The following HS3ST5 variants were observed in gnomAD, a reference collection of about 807,000 sequenced individuals.
The protein encoded by HS3ST5 is heparan sulfate glucosamine 3-O-sulfotransferase 5.
A neutral mutation model predicts 25.4 loss-of-function variants in HS3ST5; 10 were observed. The ratio of observed to expected loss-of-function variants is 0.39; its 90% CI spans 0.24 to 0.67. HS3ST5 has a LOEUF of 0.67. Ranked by LOEUF, HS3ST5 falls within the 30% of genes least tolerant of loss-of-function variation. The probability of loss-of-function intolerance (pLI) is 0.44; values close to 1 mark genes in which losing one functional copy is unlikely to be tolerated. For missense variants in HS3ST5, 324 were observed against 420.7 expected, an observed-to-expected ratio of 0.77 and a Z score of 2.01; for synonymous variants, 170 against 162.4, an observed-to-expected ratio of 1.05 and a Z score of -0.36.
At position 114,080,199 on chromosome 6, in the gene HS3ST5, C is replaced by T. The variant is rs147015369; in HGVS notation, c.-32-17322G>A. Among the ~76,000 whole-genome samples the T allele has an allele frequency of 2.4e-3, 363 of 152,296 alleles. 2 individuals are homozygous for T. The highest frequency in any genetic ancestry group is 8.6e-3 in the African/African-American group (358 of 41,554). ...CATTAATCTCCTTGTACATCTCCAT[C>T]AGGACTCTTGGGTGATTAGGTCACC... On this transcript the variant is annotated intron_variant, in intron 3 of 4. Coordinates refer to ENST00000312719, the MANE Select transcript of HS3ST5 (RefSeq NM_153612.4).
intron 1 of HS3ST5, among the ~76,000 whole-genome samples, chr6:114,263,998 C>G (rs1338214474): frequency 6.6e-6 from 1 of 152,056 alleles, no homozygotes; most frequent in East Asian, 1.9e-4. Flanking sequence ...CCCCAAAAGA[C>G]TCACTATCAG....
chr6:114,333,538 C>G (rs1040587267), intron 1 of HS3ST5, among the ~76,000 whole-genome samples: 4 of 152,002 alleles, frequency 2.6e-5, no homozygotes, highest in Non-Finnish European at 4.4e-5. Context: ...AACTCACTGG[C>G]AATCCATTTC....
intron 3 of HS3ST5, among the ~76,000 whole-genome samples, chr6:114,137,537 A>G (rs1777686828): frequency 6.6e-6 from 1 of 152,200 alleles, no homozygotes; most frequent in Non-Finnish European, 1.5e-5. Context: ...AGAATGAAAC[A>G]CAAAACAGTG....
intron 3 of HS3ST5, among the ~76,000 whole-genome samples, chr6:114,106,495 A>G (rs1775999392): frequency 1.3e-5 from 2 of 152,090 alleles, no homozygotes; most frequent in South Asian, 4.1e-4. Flanking sequence ...CAGAGTAAAA[A>G]CTACATATAA....
intron 3 of HS3ST5, among the ~76,000 whole-genome samples, chr6:114,102,471 C>T (rs1351153793): frequency 1.3e-5 from 2 of 152,092 alleles, no homozygotes; most frequent in African/African-American, 2.4e-5. Context: ...TGAACATTAC[C>T]ATGATGGGTC....
At chr6:114,161,931 G>A (rs550073160) in intron 3 of HS3ST5, among the ~76,000 whole-genome samples, 140 of 151,804 alleles carry the variant, frequency 9.2e-4, no homozygotes, top group Non-Finnish European at 1.8e-3. Flanking sequence ...ATCAAATCTA[G>A]ACTTAATCAA....
intron 3 of HS3ST5, among the ~76,000 whole-genome samples, chr6:114,108,793 T>A (rs1425020546): frequency 1.3e-5 from 2 of 152,196 alleles, no homozygotes; most frequent in Admixed American, 1.3e-4. Flanking sequence ...TATATACATA[T>A]GTCAAAACTT....
At chr6:114,281,617 T>C (rs1485448948) in intron 1 of HS3ST5, among the ~76,000 whole-genome samples, 1 of 151,936 alleles carries the variant, frequency 6.6e-6, no homozygotes, top group Non-Finnish European at 1.5e-5. Flanking sequence ...AGGTAAGCTT[T>C]TAAACTCTGC....
At chr6:114,289,744 A>C (rs987731055) in intron 1 of HS3ST5, among the ~76,000 whole-genome samples, 4 of 152,178 alleles carry the variant, frequency 2.6e-5, no homozygotes, top group African/African-American at 9.7e-5. Context: ...CTACAAGTAC[A>C]AAGCTCATAC....
intron 1 of HS3ST5, among the ~76,000 whole-genome samples, chr6:114,339,350 C>T (rs1776733793): frequency 6.6e-6 from 1 of 152,110 alleles, no homozygotes; most frequent in South Asian, 2.1e-4. Flanking sequence ...GACCATCCTG[C>T]TAGACATGTC....
chr6:114,267,388 A>T (rs1267867583), intron 1 of HS3ST5, among the ~76,000 whole-genome samples: 1 of 152,156 alleles, frequency 6.6e-6, no homozygotes, highest in Non-Finnish European at 1.5e-5. Flanking sequence ...TACAGCTAAA[A>T]ATAAGAGGTG....
At chr6:114,076,981 A>G (rs754226384) in intron 3 of HS3ST5, among the ~76,000 whole-genome samples, 11 of 152,232 alleles carry the variant, frequency 7.2e-5, no homozygotes, top group Non-Finnish European at 1.0e-4. Flanking sequence ...AAAAAGGTTG[A>G]TAAATTATAC....
chr6:114,214,535 G>A (rs1781662208), intron 2 of HS3ST5, among the ~76,000 whole-genome samples: 1 of 152,136 alleles, frequency 6.6e-6, no homozygotes, highest in African/African-American at 2.4e-5. Flanking sequence ...ACTGAGACAC[G>A]TTTTTAATTC....
intron 1 of HS3ST5, among the ~76,000 whole-genome samples, chr6:114,323,424 T>C (rs1178894978): frequency 1.3e-5 from 2 of 152,110 alleles, no homozygotes; most frequent in Non-Finnish European, 2.9e-5. Context: ...GGTGCTTACA[T>C]TTTATCCTCA....
chr6:114,267,490 G>T (rs963991799), intron 1 of HS3ST5, among the ~76,000 whole-genome samples: 2 of 152,320 alleles, frequency 1.3e-5, no homozygotes, highest in South Asian at 4.1e-4. Context: ...GGGTGAAGCA[G>T]ATGACAGATC....
intron 3 of HS3ST5, among the ~76,000 whole-genome samples, chr6:114,121,159 T>A (rs1776766442): frequency 6.6e-6 from 1 of 152,358 alleles, no homozygotes; most frequent in African/African-American, 2.4e-5. Flanking sequence ...TTAAGTTGGA[T>A]TTCTTGAAGC....
chr6:114,175,774 T>C (rs1012484787), intron 2 of HS3ST5, among the ~76,000 whole-genome samples: 2 of 152,182 alleles, frequency 1.3e-5, no homozygotes, highest in Non-Finnish European at 2.9e-5. Flanking sequence ...GCAAAAGTAA[T>C]ATAAAAACAA....
In HS3ST5 at chr6:114,314,148, G is replaced by C. The variant is rs961266073; in HGVS notation, c.-339+28047C>G. Among the ~76,000 whole-genome samples, 4 of 152,080 alleles carry C rather than the reference G, an allele frequency of 2.6e-5. No individual in the cohort carries two copies. The East Asian group carries it at 7.7e-4, about 29-fold the overall frequency. On this transcript the variant is annotated intron_variant, in intron 1 of 4. Coordinates refer to ENST00000312719, the MANE Select transcript of HS3ST5 (RefSeq NM_153612.4). ...TCGCCATGTTGGCCAGGCTGGTCTTGAACTCCTGGCCTCAAGTGATCCACC... is the reference window on the plus strand; with the variant it reads ...TCGCCATGTTGGCCAGGCTGGTCTTCAACTCCTGGCCTCAAGTGATCCACC...
At chr6:114,171,884 T>C (rs1779490399) in intron 2 of HS3ST5, among the ~76,000 whole-genome samples, 1 of 152,228 alleles carries the variant, frequency 6.6e-6, no homozygotes, top group Admixed American at 6.5e-5. Context: ...GTAACACATT[T>C]GGCTTGACTA....
Sources: gnomAD v4.1 joint callset for allele counts (sites outside exome capture counted in the v4.1 genomes callset) on GRCh38, gnomAD v4.1.1 for gene constraint, MANE v1.5 for transcripts, NCBI Gene and HGNC (gene_info 2026-07-23, HGNC 2026-07-21) for gene names.